The following VWA8 variants were observed in gnomAD, a reference collection of about 807,000 sequenced individuals.
VWA8 encodes the protein von Willebrand factor A domain-containing protein 8.
In VWA8, 221 loss-of-function variants were observed where a neutral mutation model predicts 241.5. The observed-to-expected ratio is 0.91, with a 90% confidence interval of 0.82 to 1.02. VWA8 has a LOEUF of 1.02. VWA8 is among the 50% of genes least tolerant of loss of function. The pLI is 0.00. For missense variants in VWA8, 2,322 were observed against 2,328.7 expected, an observed-to-expected ratio of 1.00 and a Z score of 0.06; for synonymous variants, 852 against 827.1, an observed-to-expected ratio of 1.03 and a Z score of -0.52.
intron 4 of VWA8, among the ~76,000 whole-genome samples, chr13:41,906,303 C>G (rs71427497): frequency 2.2e-3 from 342 of 152,236 alleles, no homozygotes; most frequent in Middle Eastern, 6.8e-3. Context: ...AAGTCTCTTC[C>G]TTATCCTACT....
intron 37 of VWA8, among the ~76,000 whole-genome samples, chr13:41,629,236 C>T (rs971369789): frequency 3.3e-5 from 5 of 152,100 alleles, no homozygotes; most frequent in African/African-American, 1.2e-4. Context: ...CTCTACTATG[C>T]TCACTACCTT....
chr13:41,806,294 T>TAACCTAACAATGTATTTGG (rs1870205797), intron 17 of VWA8, among the ~76,000 whole-genome samples: 1 of 152,070 alleles, frequency 6.6e-6, no homozygotes, highest in Non-Finnish European at 1.5e-5. Context: ...AAACTTCAAA[T>TAACCTAACAATGTATTTGG]AACCTAACAA....
chr13:41,615,103 G>A lies in VWA8; in HGVS notation c.4612-19C>T. On this transcript the variant is annotated intron_variant, in intron 37 of 44. Coordinates refer to ENST00000379310, the MANE Select transcript of VWA8 (RefSeq NM_015058.2). ...TTGTTATCTAAAAATGAACAATTGA[G>A]ACATTTTTACTATCCTGTGACAAAC... 1.2e-6 allele frequency: 2 copies of A among 1,611,168 alleles called. No individual in the cohort carries two copies. The highest frequency in any genetic ancestry group is 1.7e-6 in the Non-Finnish European group (2 of 1,177,840).
intron 39 of VWA8, among the ~76,000 whole-genome samples, chr13:41,606,977 T>C (rs1007795836): frequency 1.3e-5 from 2 of 152,210 alleles, no homozygotes; most frequent in African/African-American, 4.8e-5. Context: ...CCTGTTGCCC[T>C]CTGTTATGGT....
At chr13:41,637,355 C>T (rs1176531941) in intron 37 of VWA8, among the ~76,000 whole-genome samples, 7 of 137,656 alleles carry the variant, frequency 5.1e-5, no homozygotes, top group African/African-American at 1.7e-4. Flanking sequence ...TAGGTGGGAA[C>T]TGAACAATGA....
intron 4 of VWA8, among the ~76,000 whole-genome samples, chr13:41,906,066 C>T (rs375313278): frequency 6.6e-6 from 1 of 152,040 alleles, no homozygotes; most frequent in South Asian, 2.1e-4. Context: ...GACATTCCCA[C>T]TAGATGATGC....
intron 1 of VWA8, 39 bp downstream of exon 1, chr13:41,960,814 C>T: frequency 6.7e-7 from 1 of 1,500,158 alleles, no homozygotes; most frequent in Non-Finnish European, 8.8e-7. Flanking sequence ...GCACGGAGCG[C>T]AGGGGCACCA....
At chr13:41,841,894 G>A (rs1451436822) in intron 12 of VWA8, among the ~76,000 whole-genome samples, 1 of 120,838 alleles carries the variant, frequency 8.3e-6, no homozygotes, top group Non-Finnish European at 1.6e-5. Context: ...TTCAATTGGG[G>A]TAAATAAGCA....
Position 41,608,252 on chromosome 13 carries a change from C to T in VWA8, c.4878-2976G>A, listed in dbSNP as rs143378498. ...CTGGAAACCATATTCCAGATTGTGT[C>T]GGTTTTCAGAAAGATCACCTACAAG... On this transcript the variant is annotated intron_variant, in intron 39 of 44. Transcript: ENST00000379310. Among the ~76,000 whole-genome samples, 1,334 of 152,084 alleles carry T rather than the reference C, an allele frequency of 8.8e-3. 9 individuals are homozygous for T. Among genetic ancestry groups the T allele is most frequent in the South Asian group, 0.045 (217 of 4,804 alleles).
intron 20 of VWA8, among the ~76,000 whole-genome samples, chr13:41,763,556 C>T (rs191288857): frequency 3.5e-4 from 53 of 152,192 alleles, no homozygotes; most frequent in Admixed American, 2.7e-3. Context: ...AACATTTGCA[C>T]ATCTGTATGT....
rs139296787 is a variant in VWA8, at chr13:41,865,922, T to G, written c.1327A>C (p.Ile443Leu). Reference protein sequence around the residue: ...EMMQSHMVKDICLIGGKGCGK... With the variant: ...EMMQSHMVKDLCLIGGKGCGK... Reference sequence around the variant, plus strand: ...CTTACCTTTCCTCCAATTAAACATATATCTTTAACCATGTGAGACTGCATC... The same window carrying G: ...CTTACCTTTCCTCCAATTAAACATAGATCTTTAACCATGTGAGACTGCATC... The change falls in exon 11 of 45, where the codon ATA becomes CTA. Residue 443 changes from isoleucine to leucine, a missense_variant. Physicochemically the swap from Ile to Leu is conservative, Grantham distance 5. Coordinates refer to ENST00000379310, the MANE Select transcript of VWA8 (RefSeq NM_015058.2). 28 of 1,614,246 alleles carry G rather than the reference T, an allele frequency of 1.7e-5. No individual in the cohort carries two copies. Among genetic ancestry groups the G allele is most frequent in the Middle Eastern group, 3.3e-4 (2 of 6,062 alleles).
chr13:41,767,206 T>A (rs573174780), intron 20 of VWA8, among the ~76,000 whole-genome samples: 92 of 152,172 alleles, frequency 6.0e-4, no homozygotes, highest in Non-Finnish European at 1.2e-3. Context: ...TTAATGTCAT[T>A]AACAAATACC....
At chr13:41,745,874 T>C (rs771649570) in intron 21 of VWA8, among the ~76,000 whole-genome samples, 4 of 152,072 alleles carry the variant, frequency 2.6e-5, no homozygotes, top group Non-Finnish European at 5.9e-5. Flanking sequence ...AAATAAGGAC[T>C]AAATTTTTAA....
rs575067880 is a variant in VWA8 at position 41,860,948 on chromosome 13, T to G, written c.1425+4788A>C. 4.6e-5 allele frequency among the ~76,000 whole-genome samples: 7 copies of G among 152,114 alleles called. No individual in the cohort carries two copies. In the East Asian group the frequency reaches 1.2e-3, roughly 25 times the overall value. On this transcript the variant is annotated intron_variant, in intron 12 of 44. Transcript: ENST00000379310. ...TTCCAGTTTTCATTAGAATGAGAGT[T>G]TTTATTTTAATGTGAAGAAAATATT...
chr13:41,813,071 G>T (rs1013190751), intron 16 of VWA8, among the ~76,000 whole-genome samples: 16 of 152,106 alleles, frequency 1.1e-4, no homozygotes, highest in African/African-American at 3.9e-4. Flanking sequence ...GGTCCTGCTG[G>T]AAGGCTTGCT....
chr13:41,915,426 T>C (rs149292047), intron 2 of VWA8, among the ~76,000 whole-genome samples: 6 of 152,248 alleles, frequency 3.9e-5, no homozygotes, highest in Non-Finnish European at 7.3e-5. Context: ...TGGGTTGTTG[T>C]AAAGCTTTGG....
At chr13:41,948,111 G>A (rs1005980290) in intron 2 of VWA8, among the ~76,000 whole-genome samples, 10 of 152,010 alleles carry the variant, frequency 6.6e-5, no homozygotes, top group Admixed American at 1.3e-4. Flanking sequence ...ACAATAGTCC[G>A]AAAGTGGAAA....
At position 41,711,559 on chromosome 13, in the gene VWA8, T is replaced by A. The variant is rs571018496; in HGVS notation, c.3116+8032A>T. Among the ~76,000 whole-genome samples the A allele has an allele frequency of 3.5e-4, 53 of 152,310 alleles. 1 individual carries two copies. In the South Asian group the frequency reaches 0.011, roughly 31 times the overall value. Reference sequence around the variant, plus strand: ...ATGATCGTAATTTTGAAGATCATAGTACTAAGTAAAGGATTTTTATAAAAG... The same window carrying A: ...ATGATCGTAATTTTGAAGATCATAGAACTAAGTAAAGGATTTTTATAAAAG... On this transcript the variant is annotated intron_variant, in intron 26 of 44. Coordinates refer to ENST00000379310, the MANE Select transcript of VWA8 (RefSeq NM_015058.2).
intron 20 of VWA8, among the ~76,000 whole-genome samples, chr13:41,772,587 G>A (rs1447712801): frequency 6.6e-6 from 1 of 152,148 alleles, no homozygotes; most frequent in Non-Finnish European, 1.5e-5. Flanking sequence ...TATACCCTAA[G>A]TGACCCTCAA....
Sources: allele counts gnomAD v4.1 joint callset (sites outside exome capture counted in the v4.1 genomes callset), GRCh38; gene constraint gnomAD v4.1.1; transcripts MANE v1.5; gene names NCBI Gene and HGNC (gene_info 2026-07-23, HGNC 2026-07-21).